The following COL23A1 variants were observed in gnomAD, a reference collection of about 807,000 sequenced individuals.
COL23A1 encodes the protein collagen type XXIII alpha 1 chain.
Under a neutral mutation model 99.3 loss-of-function variants are expected in COL23A1, and 97 were observed. The ratio of observed to expected loss-of-function variants is 0.98; its 90% CI spans 0.83 to 1.16. The LOEUF is 1.16. COL23A1 is among the 50% of genes most tolerant of loss of function. The pLI, the probability that COL23A1 is intolerant of heterozygous loss-of-function variation, is 0.00. For synonymous variants in COL23A1, 320 were observed against 308.2 expected (o/e 1.04, Z -0.40); for missense variants, 762 against 757.4 (o/e 1.01, Z -0.07).
chr5:178,577,904 A>G (rs1359745409), intron 1 of COL23A1, among the ~76,000 whole-genome samples: 1 of 152,242 alleles, frequency 6.6e-6, no homozygotes, highest in Non-Finnish European at 1.5e-5. Context: ...GCCCAGCTAC[A>G]GGGTCTTTCG....
At chr5:178,511,817 G>A (rs914775413) in intron 2 of COL23A1, among the ~76,000 whole-genome samples, 1 of 152,144 alleles carries the variant, frequency 6.6e-6, no homozygotes. Context: ...ATGAGGTGGT[G>A]ATTTTCAACA....
At chr5:178,345,050 T>C (rs537178273) in intron 2 of COL23A1, 15 of 585,280 alleles carry the variant, frequency 2.6e-5, no homozygotes, top group Middle Eastern at 2.9e-4. Flanking sequence ...CCAGAGTCAT[T>C]TGGAATCTTA....
intron 1 of COL23A1, among the ~76,000 whole-genome samples, chr5:178,575,669 A>G (rs1469761640): frequency 6.6e-6 from 1 of 152,204 alleles, no homozygotes. Flanking sequence ...TCCCATAGAC[A>G]AGGCACCTGC....
At chr5:178,469,480 C>T (rs1485419015) in intron 2 of COL23A1, among the ~76,000 whole-genome samples, 1 of 152,126 alleles carries the variant, frequency 6.6e-6, no homozygotes, top group Non-Finnish European at 1.5e-5. Context: ...AAGGCTGAAA[C>T]TCCAATTCTG....
At chr5:178,260,445 T>G (rs921811800) in intron 11 of COL23A1, among the ~76,000 whole-genome samples, 1 of 152,202 alleles carries the variant, frequency 6.6e-6, no homozygotes, top group Non-Finnish European at 1.5e-5. Context: ...CCACACACTG[T>G]CTGATTCCAA....
intron 13 of COL23A1, among the ~76,000 whole-genome samples, 154 bp from the exon 14 acceptor site, chr5:178,257,082 C>T (rs1561796239): frequency 1.3e-5 from 2 of 152,190 alleles, no homozygotes; most frequent in Non-Finnish European, 2.9e-5. Flanking sequence ...GGATGGACCT[C>T]AGGCCTCTCC....
chr5:178,467,485 T>C (rs1756482210), intron 2 of COL23A1, among the ~76,000 whole-genome samples: 1 of 152,224 alleles, frequency 6.6e-6, no homozygotes, highest in East Asian at 1.9e-4. Flanking sequence ...GCAGTTTGTG[T>C]AGAGTGCAAT....
intron 27 of COL23A1, among the ~76,000 whole-genome samples, chr5:178,240,252 C>T (rs997110125): frequency 1.3e-5 from 2 of 152,184 alleles, no homozygotes; most frequent in Non-Finnish European, 2.9e-5. Flanking sequence ...TTCCAAAGCA[C>T]AGGAATGAGC....
At chr5:178,560,207 C>A (rs780152789) in intron 2 of COL23A1, among the ~76,000 whole-genome samples, 1 of 152,200 alleles carries the variant, frequency 6.6e-6, no homozygotes, top group Non-Finnish European at 1.5e-5. Flanking sequence ...ATAATTCAGA[C>A]CTCATTGCCT....
intron 2 of COL23A1, among the ~76,000 whole-genome samples, chr5:178,546,287 A>C (rs139074986): frequency 2.0e-5 from 3 of 152,256 alleles, no homozygotes; most frequent in African/African-American, 7.2e-5. Flanking sequence ...GTTCCTGCCT[A>C]AATTCCGGAA....
intron 2 of COL23A1, among the ~76,000 whole-genome samples, chr5:178,509,425 C>T (rs1713194460): frequency 6.6e-6 from 1 of 152,030 alleles, no homozygotes; most frequent in Non-Finnish European, 1.5e-5. Context: ...GTTTCACCAT[C>T]TTGGCCGGGC....
rs566955017 is a variant in COL23A1, at chr5:178,560,705, G to A, written c.338C>T (p.Pro113Leu). 6.4e-5 allele frequency: 103 copies of A among 1,613,236 alleles called. No individual in the cohort carries two copies. The South Asian group carries it at 1.0e-3, about 16-fold the overall frequency. The change falls in exon 2 of 29, where the codon CCA (proline) becomes CTA (leucine). Residue 113 changes from proline to leucine, a missense_variant. Transcript: ENST00000390654. The part of the protein sequence containing the change: ...LAKIRTAREA[P>L]SECVCPPGPP... ...ACCTGGGGGGCAGACACATTCGGAT[G>A]GAGCTTCCCGAGCAGTCCGGATCTT...
intron 2 of COL23A1, among the ~76,000 whole-genome samples, chr5:178,406,163 TA>T (rs1228075383): frequency 3.3e-5 from 5 of 151,952 alleles, no homozygotes; most frequent in Admixed American, 3.3e-4. Flanking sequence ...AATAACCAGT[TA>T]GAAGGTATAG....
intron 1 of COL23A1, among the ~76,000 whole-genome samples, chr5:178,579,827 A>G (rs1465104322): frequency 6.6e-6 from 1 of 152,178 alleles, no homozygotes; most frequent in Admixed American, 6.5e-5. Flanking sequence ...ACTCGCAGAA[A>G]AAGCTGCTGC....
In COL23A1 at chr5:178,519,583, T is replaced by G. The variant is rs185402700; in HGVS notation, c.361+41099A>C. On this transcript the variant is annotated intron_variant, in intron 2 of 28. Transcript: ENST00000390654. ...GAAATCATGATTTTAAAATAAATTT[T>G]CCTGATTTTTGAGACATTTTCCTAG... Among the ~76,000 whole-genome samples, 8 of 152,322 alleles carry G rather than the reference T, an allele frequency of 5.3e-5. No individual in the cohort carries two copies. The East Asian group carries it at 1.3e-3, about 26-fold the overall frequency.
Position 178,460,184 on chromosome 5 carries a change from CAG to C in COL23A1, c.361+100496_361+100497del, listed in dbSNP as rs539062591. 3.3e-3 allele frequency among the ~76,000 whole-genome samples: 499 copies of C among 152,250 alleles called. 4 individuals are homozygous for C. The highest frequency in any genetic ancestry group is 0.011 in the African/African-American group (465 of 41,534). ...ACAGTCTCCTGAACAGCCAAGAACT[CAG>C]AGGATTTGCCATGCAGAACCCCCAG... On this transcript the variant is annotated intron_variant, in intron 2 of 28. Coordinates refer to ENST00000390654, the MANE Select transcript of COL23A1 (RefSeq NM_173465.4).
intron 2 of COL23A1, among the ~76,000 whole-genome samples, chr5:178,508,761 G>C (rs947608141): frequency 6.6e-6 from 1 of 152,130 alleles, no homozygotes; most frequent in African/African-American, 2.4e-5. Flanking sequence ...TGCATCTGGC[G>C]AGGCTAGCCC....
chr5:178,438,204 GT>G (rs2127832774), intron 2 of COL23A1, among the ~76,000 whole-genome samples: 1 of 152,302 alleles, frequency 6.6e-6, no homozygotes, highest in Non-Finnish European at 1.5e-5. Flanking sequence ...AGGGCACTTG[GT>G]AACACAGTCC....
rs938632912 is a variant in COL23A1 at position 178,544,129 on chromosome 5, G to A, written c.361+16553C>T. On this transcript the variant is annotated intron_variant, in intron 2 of 28. Transcript: ENST00000390654. This position sits in a 1 kb window ranked among gnomAD's most constrained non-coding sequence, Gnocchi z 4.4. ...GTCCACAGCATAATCTCCGGGGCAT[G>A]TCCCTCCTTACACTCTCCCTCCTCC... is the stretch of plus-strand genomic sequence containing the variant. 4.6e-5 allele frequency among the ~76,000 whole-genome samples: 7 copies of A among 152,102 alleles called. No homozygotes were observed. Among genetic ancestry groups the A allele is most frequent in the Admixed American group, 6.6e-5 (1 of 15,264 alleles).
Sources: gnomAD v4.1 joint callset for allele counts (sites outside exome capture counted in the v4.1 genomes callset) on GRCh38, gnomAD v4.1.1 for gene constraint, Gnocchi (gnomAD v3.1) non-coding constraint, MANE v1.5 for transcripts, NCBI Gene and HGNC (gene_info 2026-07-23, HGNC 2026-07-21) for gene names.